The following GRIN2A variants were observed in gnomAD, a reference collection of about 807,000 sequenced individuals.
The protein encoded by GRIN2A is glutamate receptor ionotropic, NMDA 2A.
Under a neutral mutation model 113.4 loss-of-function variants are expected in GRIN2A, and 22 were observed. The observed-to-expected ratio is 0.19, with a 90% CI of 0.14 to 0.28. The LOEUF (loss-of-function observed/expected upper bound fraction) is 0.28. Ranked by LOEUF, GRIN2A falls within the 10% of genes least tolerant of loss-of-function variation. The pLI is 1.00. For missense variants in GRIN2A, 1,502 were observed against 1,887.0 expected, an observed-to-expected ratio of 0.80 and a Z score of 3.78; for synonymous variants, 827 against 738.4, an observed-to-expected ratio of 1.12 and a Z score of -1.94.
chr16:10,104,957 T>C (rs538642500), intron 2 of GRIN2A, among the ~76,000 whole-genome samples: 41 of 152,262 alleles, frequency 2.7e-4, no homozygotes, highest in African/African-American at 9.4e-4. Flanking sequence ...GTGCTAAATG[T>C]TACGAGAGTG....
chr16:10,097,876 G>A (rs1432860420), intron 2 of GRIN2A, among the ~76,000 whole-genome samples: 2 of 152,100 alleles, frequency 1.3e-5, no homozygotes, highest in Non-Finnish European at 2.9e-5. Context: ...TCTAGACATT[G>A]GATTAGGCAA....
At chr16:9,856,341 A>G (rs1309999464) in intron 4 of GRIN2A, among the ~76,000 whole-genome samples, 1 of 152,182 alleles carries the variant, frequency 6.6e-6, no homozygotes. Flanking sequence ...GTTGTTATAA[A>G]GATTACATAA....
chr16:9,813,479 G>A (rs78168550), intron 10 of GRIN2A, among the ~76,000 whole-genome samples: 152 of 150,166 alleles, frequency 1.0e-3, no homozygotes, highest in East Asian at 3.9e-3. Context: ...CAGCATCTCC[G>A]ATAACATTTT....
intron 4 of GRIN2A, among the ~76,000 whole-genome samples, chr16:9,888,786 G>C (rs1459263753): frequency 1.3e-5 from 2 of 151,848 alleles, no homozygotes; most frequent in African/African-American, 2.4e-5. Context: ...CCCTTTATCA[G>C]ATTGAGGAAT....
Position 10,104,455 on chromosome 16 carries a change from C to A in GRIN2A, c.414+75543G>T, listed in dbSNP as rs79523736. On this transcript the variant is annotated intron_variant, in intron 2 of 12. Coordinates refer to ENST00000330684, the MANE Select transcript of GRIN2A (RefSeq NM_001134407.3). ...TATCATAGGAGTCCAATAAATACTA[C>A]TAGAATGAATGACTTAATAATCAGT... Among the ~76,000 whole-genome samples, 1,467 of 152,260 alleles carry A rather than the reference C, an allele frequency of 9.6e-3. 25 individuals carry two copies. The highest frequency in any genetic ancestry group is 0.033 in the African/African-American group (1,382 of 41,546).
intron 2 of GRIN2A, among the ~76,000 whole-genome samples, chr16:10,075,884 T>A (rs750350283): frequency 2.0e-5 from 3 of 151,964 alleles, no homozygotes; most frequent in Non-Finnish European, 4.4e-5. Flanking sequence ...AAAAATAAAA[T>A]CCTACAACTA....
intron 2 of GRIN2A, among the ~76,000 whole-genome samples, chr16:10,156,011 C>G (rs1102967): frequency 6.6e-6 from 1 of 152,062 alleles, no homozygotes; most frequent in East Asian, 1.9e-4. Context: ...AATAAATAAT[C>G]GCACAGAAAT....
chr16:10,166,233 G>A (rs975392477), intron 2 of GRIN2A, among the ~76,000 whole-genome samples: 13 of 152,220 alleles, frequency 8.5e-5, no homozygotes, highest in East Asian at 3.8e-4. Context: ...AGATAGAGCA[G>A]GAGACATTCA....
chr16:10,027,436 C>A (rs2046845331), intron 2 of GRIN2A: 1 of 152,362 alleles, frequency 6.6e-6, no homozygotes, highest in African/African-American at 2.4e-5. Flanking sequence ...TCCACAGCCA[C>A]AGCGTCATAG....
chr16:10,069,052 C>G (rs1025823950), intron 2 of GRIN2A, among the ~76,000 whole-genome samples: 1 of 151,978 alleles, frequency 6.6e-6, no homozygotes, highest in Admixed American at 6.6e-5. Flanking sequence ...TGAGAAGGCA[C>G]CTAGGTTCTA....
At chr16:10,100,454 G>A (rs992419180) in intron 2 of GRIN2A, among the ~76,000 whole-genome samples, 3 of 152,152 alleles carry the variant, frequency 2.0e-5, no homozygotes, top group Admixed American at 1.3e-4. Flanking sequence ...GACTGATGTT[G>A]GTCAAGTTAC....
At chr16:10,150,220 G>A (rs909955547) in intron 2 of GRIN2A, among the ~76,000 whole-genome samples, 1 of 152,172 alleles carries the variant, frequency 6.6e-6, no homozygotes, top group Non-Finnish European at 1.5e-5. Context: ...TAAAGAGGCA[G>A]CTTTTCGCTA....
chr16:9,816,144 G>C (rs1031299333), intron 10 of GRIN2A, among the ~76,000 whole-genome samples: 6 of 152,198 alleles, frequency 3.9e-5, no homozygotes, highest in Admixed American at 2.0e-4. Flanking sequence ...TGGATAGAGA[G>C]TTGCAGTTTT....
chr16:9,877,731 C>T (rs140463442), intron 4 of GRIN2A, among the ~76,000 whole-genome samples: 1 of 142,732 alleles, frequency 7.0e-6, no homozygotes, highest in African/African-American at 2.6e-5. Context: ...CCCTCTCCCA[C>T]CTCTCTGCCT....
chr16:9,831,772 T>C (rs937978872), intron 8 of GRIN2A, among the ~76,000 whole-genome samples: 2 of 152,038 alleles, frequency 1.3e-5, no homozygotes, highest in African/African-American at 2.4e-5. Flanking sequence ...CACCTCAGCC[T>C]CCCAAAGTGC....
chr16:9,932,827 C>T (rs758698110), intron 3 of GRIN2A, among the ~76,000 whole-genome samples: 38 of 152,188 alleles, frequency 2.5e-4, no homozygotes, highest in Non-Finnish European at 3.8e-4. Flanking sequence ...TTCAGTGACT[C>T]ACCCAAGGTC....
chr16:10,147,781 T>C (rs1347923181), intron 2 of GRIN2A, among the ~76,000 whole-genome samples: 2 of 152,176 alleles, frequency 1.3e-5, no homozygotes, highest in Non-Finnish European at 2.9e-5. Flanking sequence ...CGTGTCCCTC[T>C]GTAGATAATT....
intron 4 of GRIN2A, among the ~76,000 whole-genome samples, chr16:9,878,281 C>T (rs2043411014): frequency 6.6e-6 from 1 of 152,110 alleles, no homozygotes; most frequent in South Asian, 2.1e-4. Flanking sequence ...CTGCCTTTAC[C>T]ACTGTATGGC....
chr16:9,860,828 T>C (rs1343018374), intron 4 of GRIN2A, among the ~76,000 whole-genome samples: 2 of 152,170 alleles, frequency 1.3e-5, no homozygotes, highest in African/African-American at 4.8e-5. Flanking sequence ...TAGAGTGTCA[T>C]GGCTGGCCAG....
Sources: allele counts gnomAD v4.1 joint callset (sites outside exome capture counted in the v4.1 genomes callset), GRCh38; gene constraint gnomAD v4.1.1; transcripts MANE v1.5; gene names NCBI Gene and HGNC (gene_info 2026-07-23, HGNC 2026-07-21).